The following EMILIN2 variants were observed in gnomAD, a reference collection of about 807,000 sequenced individuals.
EMILIN2 encodes elastin microfibril interfacer 2, also known as EMILIN-2.
EMILIN2 carries 71 observed loss-of-function variants against 87.1 expected under a neutral mutation model. The observed-to-expected ratio is 0.82, with a 90% CI of 0.67 to 0.99. The LOEUF (loss-of-function observed/expected upper bound fraction) is 0.99. EMILIN2 is among the 50% of genes least tolerant of loss of function. EMILIN2 has a pLI of 0.00. For synonymous variants in EMILIN2, 581 were observed against 563.4 expected (o/e 1.03, Z -0.44); for missense variants, 1,407 against 1,371.8 (o/e 1.03, Z -0.40).
chr18:2,887,763 A>T (rs928732711), intron 3 of EMILIN2, among the ~76,000 whole-genome samples: 2 of 151,946 alleles, frequency 1.3e-5, no homozygotes, highest in African/African-American at 4.8e-5. Flanking sequence ...ATGGACAAAC[A>T]TACCCTGAAT....
chr18:2,907,226 C>A (rs943356320), intron 5 of EMILIN2, 141 bp downstream of exon 5: 2 of 939,512 alleles, frequency 2.1e-6, no homozygotes, highest in Non-Finnish European at 2.8e-6. Context: ...TGGAAGGATG[C>A]CGAGGCCCGA....
At chr18:2,883,982 G>T (rs749658132) in intron 2 of EMILIN2, among the ~76,000 whole-genome samples, 2 of 152,144 alleles carry the variant, frequency 1.3e-5, no homozygotes, top group Non-Finnish European at 2.9e-5. Context: ...TTGAGTTGGA[G>T]TCTTGCTCTG....
rs2076854876 is a variant in EMILIN2, at chr18:2,894,575, T to A, written c.2359+2089T>A. Among the ~76,000 whole-genome samples the A allele has an allele frequency of 6.6e-6, 1 of 152,208 alleles. No homozygotes were observed. The highest frequency in any genetic ancestry group is 2.4e-5 in the African/African-American group (1 of 41,462). ...TTCCAGTTGATTTGGAACTCCCTGG[T>A]GGCGTGGGAAGCTGTGTTAACATTT... On this transcript the variant is annotated intron_variant, in intron 4 of 7. Coordinates refer to ENST00000254528, the MANE Select transcript of EMILIN2 (RefSeq NM_032048.3). The surrounding 1 kb of genome is among the most constrained non-coding windows in gnomAD (Gnocchi z 5.0).
rs184875068 is a variant in EMILIN2 at position 2,857,204 on chromosome 18, A to C, written c.257+9273A>C. The stretch of plus-strand genomic sequence containing the variant: ...TATTTTATTATGTGTTTGGTTAAAG[A>C]AAAACTGTGTAGGTGAAGTTTTTTA... On this transcript the variant is annotated intron_variant, in intron 2 of 7. Transcript: ENST00000254528. Among the ~76,000 whole-genome samples, 28 of 152,302 alleles carry C rather than the reference A, an allele frequency of 1.8e-4. No individual in the cohort carries two copies. The East Asian group carries it at 5.0e-3, about 27-fold the overall frequency.
At chr18:2,877,789 AAAAG>A (rs541687179) in intron 2 of EMILIN2, among the ~76,000 whole-genome samples, 244 of 152,004 alleles carry the variant, frequency 1.6e-3, no homozygotes, top group African/African-American at 5.4e-3. Context: ...AAAAAAAAAA[AAAAG>A]AAAGAAAACC....
chr18:2,909,366 G>C (rs1156561529), intron 6 of EMILIN2, among the ~76,000 whole-genome samples: 1 of 152,200 alleles, frequency 6.6e-6, no homozygotes, highest in Non-Finnish European at 1.5e-5. Flanking sequence ...GCCTGGCCTG[G>C]CCTCCTAATA....
intron 4 of EMILIN2, among the ~76,000 whole-genome samples, chr18:2,900,459 A>G (rs981036112): frequency 6.6e-6 from 1 of 152,202 alleles, no homozygotes. Flanking sequence ...ATGTACTGGG[A>G]TTGCAGGCAT....
rs575496199 is a variant in EMILIN2, at chr18:2,876,582, C to T, written c.258-8382C>T. Among the ~76,000 whole-genome samples the T allele has an allele frequency of 7.7e-3, 1,053 of 137,552 alleles. 12 individuals carry two copies. Among genetic ancestry groups the T allele is most frequent in the African/African-American group, 0.027 (1,006 of 37,452 alleles). 90.2% of individuals were successfully genotyped at this position (137,552 alleles called of 152,430 possible). A position where few individuals can be genotyped will look rare whatever the true frequency, so the allele number is the denominator to read the frequency against. ...GAGATCGAGACCATCCTGGCTAACA[C>T]GGTGAAACCCCGTCTCTACTAAAAA... On this transcript the variant is annotated intron_variant, in intron 2 of 7. Transcript: ENST00000254528.
chr18:2,876,202 C>T (rs946076697), intron 2 of EMILIN2, among the ~76,000 whole-genome samples: 3 of 151,480 alleles, frequency 2.0e-5, no homozygotes, highest in Admixed American at 1.3e-4. Context: ...AGGATGGTCT[C>T]GATCTCTTGA....
intron 2 of EMILIN2, among the ~76,000 whole-genome samples, chr18:2,861,080 G>T (rs866230793): frequency 4.6e-5 from 7 of 151,540 alleles, no homozygotes; most frequent in South Asian, 2.1e-4. Context: ...TTTTGATGGG[G>T]TTTTTTGTTT....
At position 2,914,592 on chromosome 18, in the gene EMILIN2, G is replaced by A. The variant is rs1298422691; in HGVS notation, c.*1188G>A. 3 of 152,150 alleles carry A rather than the reference G, an allele frequency of 2.0e-5. No homozygotes were observed. Among genetic ancestry groups the A allele is most frequent in the Non-Finnish European group, 4.4e-5 (3 of 68,042 alleles). 9.4% of individuals were successfully genotyped at this position (152,150 alleles called of 1,614,324 possible). ...AGACCTCTCAGCACCCTTAGTTCAAGGTAGTCTCTGTGGATCAGGTTGGTA... is the reference window on the plus strand; with the variant it reads ...AGACCTCTCAGCACCCTTAGTTCAAAGTAGTCTCTGTGGATCAGGTTGGTA... On this transcript the variant is annotated 3_prime_UTR_variant, in exon 8 of 8. Transcript: ENST00000254528.
Position 2,906,974 on chromosome 18 carries a change from G to GCCGGGCCCC in EMILIN2, c.2555_2563dup (p.Gly852_Pro854dup). The GCCGGGCCCC allele has an allele frequency of 7.2e-7, 1 of 1,391,942 alleles. No individual in the cohort carries two copies. Among genetic ancestry groups the GCCGGGCCCC allele is most frequent in the Non-Finnish European group, 9.3e-7 (1 of 1,071,190 alleles). 86.2% of individuals were successfully genotyped at this position (1,391,942 alleles called of 1,614,324 possible). A position where few individuals can be genotyped will look rare whatever the true frequency, so the allele number is the denominator to read the frequency against. Reference sequence around the variant, plus strand: ...CGGGGTCATCGCGGAGACGGGCCAGGCCGGGCCCCCCGCAGGCGCAGGCGT... The same window carrying GCCGGGCCCC: ...CGGGGTCATCGCGGAGACGGGCCAGGCCGGGCCCCCCGGGCCCCCCGCAGGCGCAGGCGT... On this transcript the variant is annotated inframe_insertion, in exon 5 of 8. Transcript: ENST00000254528.
intron 3 of EMILIN2, 82 bp downstream of exon 3, chr18:2,885,221 A>G: frequency 7.0e-7 from 1 of 1,429,602 alleles, no homozygotes; most frequent in Non-Finnish European, 9.3e-7. Context: ...TGTGCTTTAC[A>G]ATGGTGAGCT....
At chr18:2,901,632 G>T (rs931113929) in intron 4 of EMILIN2, among the ~76,000 whole-genome samples, 1 of 152,308 alleles carries the variant, frequency 6.6e-6, no homozygotes, top group African/African-American at 2.4e-5. Flanking sequence ...CATTCCTCAG[G>T]AGTTAAAACA....
At position 2,913,603 on chromosome 18, in the gene EMILIN2, T is replaced by G; in HGVS notation, c.*199T>G. ...CAGGGAGTGAGGCACACGGTGAACA[T>G]GGCCACTGACTTTTCTGCCACTCTA... On this transcript the variant is annotated 3_prime_UTR_variant, in exon 8 of 8. Coordinates refer to ENST00000254528, the MANE Select transcript of EMILIN2 (RefSeq NM_032048.3). 7.4e-6 allele frequency: 4 copies of G among 543,288 alleles called. No individual in the cohort carries two copies. Among genetic ancestry groups the G allele is most frequent in the Non-Finnish European group, 6.4e-6 (2 of 310,438 alleles). The allele number at this position is 543,288 out of a possible 1,614,324, so 33.7% of individuals were successfully genotyped here.
At chr18:2,868,205 G>T (rs1176358645) in intron 2 of EMILIN2, among the ~76,000 whole-genome samples, 1 of 152,078 alleles carries the variant, frequency 6.6e-6, no homozygotes. Flanking sequence ...CAGATGGGGC[G>T]GCGGGGCAGA....
chr18:2,880,215 GT>G lies in EMILIN2; in HGVS notation c.258-4745del, dbSNP rs1241949009. Among the ~76,000 whole-genome samples, 1 of 152,040 alleles carries G rather than the reference GT, an allele frequency of 6.6e-6. No homozygotes were observed. Among genetic ancestry groups the G allele is most frequent in the Admixed American group, 6.5e-5 (1 of 15,274 alleles). On this transcript the variant is annotated intron_variant, in intron 2 of 7. Coordinates refer to ENST00000254528, the MANE Select transcript of EMILIN2 (RefSeq NM_032048.3). The surrounding 1 kb of genome is among the most constrained non-coding windows in gnomAD (Gnocchi z 4.1). ...CATCAAGTGGAGGTACTGTCATTTT[GT>G]TTTAACAGGGACACTTCCAGTCATA...
rs1297002818 is a variant in EMILIN2 at position 2,913,074 on chromosome 18, C to T, written c.2832C>T (p.Phe944=). 6.2e-7 allele frequency: 1 copy of T among 1,609,292 alleles called. No individual in the cohort carries two copies. ...GDVYNPSTGV[F]TAPYDGRYLI... is the part of the protein sequence containing the mutation. ...TTGCCTTTCTCCCCGCAGGGGTCTT[C>T]ACGGCTCCTTATGATGGGCGCTACC... Residue 944 remains phenylalanine (F), a synonymous_variant, in exon 8 of 8, where the codon TTC becomes TTT. Coordinates refer to ENST00000254528, the MANE Select transcript of EMILIN2 (RefSeq NM_032048.3).
At chr18:2,887,407 G>A (rs1430470109) in intron 3 of EMILIN2, among the ~76,000 whole-genome samples, 1 of 152,186 alleles carries the variant, frequency 6.6e-6, no homozygotes, top group African/African-American at 2.4e-5. Flanking sequence ...GGGAGATGGG[G>A]TATCATGGGA....
Sources: allele counts gnomAD v4.1 joint callset (sites outside exome capture counted in the v4.1 genomes callset), GRCh38; gene constraint gnomAD v4.1.1; non-coding constraint Gnocchi (gnomAD v3.1); transcripts MANE v1.5; gene names NCBI Gene and HGNC (gene_info 2026-07-23, HGNC 2026-07-21).